NELL1: variants seen among roughly 807,000 people sequenced by gnomAD.
NELL1 encodes the protein protein kinase C-binding protein NELL1.
NELL1 carries 76 observed loss-of-function variants against 107.4 expected under a neutral mutation model. The ratio of observed to expected loss-of-function variants is 0.71; its 90% CI spans 0.59 to 0.86. The LOEUF (loss-of-function observed/expected upper bound fraction) is 0.86. Among genes scored for constraint, NELL1 ranks in the 40% least tolerant of loss-of-function variants. The pLI is 0.00. For synonymous variants in NELL1, 353 were observed against 341.2 expected, an observed-to-expected ratio of 1.03 and a Z score of -0.38; for missense variants, 1,024 against 1,005.5, an observed-to-expected ratio of 1.02 and a Z score of -0.25.
At chr11:21,565,171 A>G (rs769475527) in intron 17 of NELL1, among the ~76,000 whole-genome samples, 8 of 151,846 alleles carry the variant, frequency 5.3e-5, no homozygotes, top group Non-Finnish European at 1.2e-4. Context: ...GGTGGTTTTG[A>G]TGGTTGGAGT....
intron 5 of NELL1, among the ~76,000 whole-genome samples, chr11:20,897,429 T>C (rs1350249663): frequency 6.6e-6 from 1 of 152,112 alleles, no homozygotes; most frequent in Non-Finnish European, 1.5e-5. Context: ...GGATTAAATA[T>C]TTAAATGTTA....
chr11:21,044,739 A>C (rs1277957771), intron 12 of NELL1, among the ~76,000 whole-genome samples: 2 of 152,158 alleles, frequency 1.3e-5, no homozygotes, highest in East Asian at 3.9e-4. Flanking sequence ...AGGAGTGTTG[A>C]TTTGATGGTT....
chr11:21,253,747 G>A (rs1447638355), intron 14 of NELL1, among the ~76,000 whole-genome samples: 1 of 152,074 alleles, frequency 6.6e-6, no homozygotes, highest in African/African-American at 2.4e-5. Flanking sequence ...GTCAGCCAAG[G>A]ATATATTAGA....
At chr11:21,371,116 C>T (rs1037843630) in intron 15 of NELL1, among the ~76,000 whole-genome samples, 168 bp downstream of exon 15, 1 of 152,036 alleles carries the variant, frequency 6.6e-6, no homozygotes, top group Non-Finnish European at 1.5e-5. Flanking sequence ...TAAAAGCCTC[C>T]CACTCTCTGA....
At chr11:21,464,782 A>G (rs941637639) in intron 15 of NELL1, among the ~76,000 whole-genome samples, 5 of 152,112 alleles carry the variant, frequency 3.3e-5, no homozygotes, top group Non-Finnish European at 5.9e-5. Context: ...ATTCATTATT[A>G]GTCACCATAC....
intron 15 of NELL1, among the ~76,000 whole-genome samples, chr11:21,413,195 T>C (rs1852423271): frequency 6.6e-6 from 1 of 152,034 alleles, no homozygotes; most frequent in Non-Finnish European, 1.5e-5. Context: ...ATGTGACAGA[T>C]GTTCAGCCCT....
Position 21,142,756 on chromosome 11 carries a change from C to G in NELL1, c.1426+29042C>G, listed in dbSNP as rs74439438. Reference sequence around the variant, plus strand: ...ACCCTGGAGTCTCTTTGTCATCCTTCCTCTGTTGCCTCCGTCTTCTCATCT... The same window carrying G: ...ACCCTGGAGTCTCTTTGTCATCCTTGCTCTGTTGCCTCCGTCTTCTCATCT... On this transcript the variant is annotated intron_variant, in intron 13 of 19. Transcript: ENST00000357134. Among the ~76,000 whole-genome samples, 1,445 of 152,286 alleles carry G rather than the reference C, an allele frequency of 9.5e-3. 63 individuals carry two copies. The East Asian group carries it at 0.11, about 12-fold the overall frequency.
chr11:20,885,626 T>A, intron 5 of NELL1, 86 bp downstream of exon 5: 1 of 836,448 alleles, frequency 1.2e-6, no homozygotes, highest in Non-Finnish European at 2.0e-6. Context: ...TGTTTATAAT[T>A]ACATTAGTGG....
intron 15 of NELL1, among the ~76,000 whole-genome samples, chr11:21,459,357 C>CAAAAAGA (rs1853839162): frequency 1.6e-5 from 2 of 124,606 alleles, no homozygotes; most frequent in Non-Finnish European, 3.3e-5. Context: ...TGTTCACTAG[C>CAAAAAGA]AAAAAAAAAA....
intron 15 of NELL1, among the ~76,000 whole-genome samples, chr11:21,430,763 A>G (rs1366540691): frequency 1.3e-5 from 2 of 152,170 alleles, no homozygotes; most frequent in African/African-American, 4.8e-5. Flanking sequence ...GCATAATGCA[A>G]CAGGAATGTT....
Position 20,910,769 on chromosome 11 carries a change from G to A in NELL1, c.604-7413G>A, listed in dbSNP as rs1215794354. On this transcript the variant is annotated intron_variant, in intron 5 of 19. Transcript: ENST00000357134. ...TTCAGCAAGTGCTTAGAAGTACCAG[G>A]TACATAACTGGCAGACAATATACTG... 2.0e-5 allele frequency among the ~76,000 whole-genome samples: 3 copies of A among 152,170 alleles called. No homozygotes were observed. In the East Asian group the frequency reaches 5.8e-4, roughly 29 times the overall value.
chr11:21,238,412 A>G (rs1858264770), intron 14 of NELL1, among the ~76,000 whole-genome samples: 1 of 151,976 alleles, frequency 6.6e-6, no homozygotes, highest in Admixed American at 6.6e-5. Flanking sequence ...GATAACTTCT[A>G]TTTTCTCAAT....
intron 4 of NELL1, among the ~76,000 whole-genome samples, chr11:20,877,841 C>A (rs975205481): frequency 2.0e-5 from 3 of 152,096 alleles, no homozygotes; most frequent in African/African-American, 7.2e-5. Flanking sequence ...CTATAATTCT[C>A]CCCGTACAGC....
intron 14 of NELL1, among the ~76,000 whole-genome samples, chr11:21,276,361 A>G (rs1590796009): frequency 6.6e-6 from 1 of 152,244 alleles, no homozygotes; most frequent in South Asian, 2.1e-4. Flanking sequence ...GACCTTTTCC[A>G]GGAGAACTAC....
At chr11:21,248,804 G>A (rs1858563188) in intron 14 of NELL1, among the ~76,000 whole-genome samples, 1 of 152,166 alleles carries the variant, frequency 6.6e-6, no homozygotes, top group African/African-American at 2.4e-5. Context: ...CTGGCCACAA[G>A]GACTGGTTCA....
At position 20,757,162 on chromosome 11, in the gene NELL1, G is replaced by GT. The variant is rs1205844816; in HGVS notation, c.185-26506dup. On this transcript the variant is annotated intron_variant, in intron 2 of 19. Coordinates refer to ENST00000357134, the MANE Select transcript of NELL1 (RefSeq NM_006157.5). ...CTGGCTTCATTTTCCTTTACACTTA[G>GT]TTTTTTTTTTTTAAATATAATTTTA... is the stretch of plus-strand genomic sequence containing the variant. Among the ~76,000 whole-genome samples the GT allele has an allele frequency of 6.0e-3, 827 of 137,986 alleles. 3 individuals are homozygous for GT. Among genetic ancestry groups the GT allele is most frequent in the Middle Eastern group, 0.045 (12 of 266 alleles). 90.5% of individuals were successfully genotyped at this position (137,986 alleles called of 152,430 possible). A position where few individuals can be genotyped will look rare whatever the true frequency, so the allele number is the denominator to read the frequency against.
At chr11:20,703,092 T>A (rs893753362) in intron 2 of NELL1, among the ~76,000 whole-genome samples, 1 of 152,230 alleles carries the variant, frequency 6.6e-6, no homozygotes, top group Non-Finnish European at 1.5e-5. Context: ...CAGCTCTTGC[T>A]TGTACCTCTG....
chr11:21,352,874 A>C (rs1320986351), intron 14 of NELL1, among the ~76,000 whole-genome samples: 3 of 152,306 alleles, frequency 2.0e-5, no homozygotes, highest in African/African-American at 7.2e-5. Context: ...TGTTGGATGA[A>C]GCCGTGAGAT....
At chr11:21,180,835 A>C (rs1385730142) in intron 13 of NELL1, among the ~76,000 whole-genome samples, 2 of 151,460 alleles carry the variant, frequency 1.3e-5, no homozygotes, top group Admixed American at 6.6e-5. Context: ...CTTTTAAAGA[A>C]ATCTTTCTCC....
Sources: gnomAD v4.1 joint callset for allele counts (sites outside exome capture counted in the v4.1 genomes callset) on GRCh38, gnomAD v4.1.1 for gene constraint, MANE v1.5 for transcripts, NCBI Gene and HGNC (gene_info 2026-07-23, HGNC 2026-07-21) for gene names.